MB: variants seen among roughly 807,000 people sequenced by gnomAD.
MB encodes the protein nitrite reductase MB.
A neutral mutation model predicts 14.5 loss-of-function variants in MB; 10 were observed. The ratio of observed to expected loss-of-function variants is 0.69; its 90% CI spans 0.43 to 1.17. MB has a LOEUF of 1.17. MB is among the 50% of genes most tolerant of loss of function. The pLI is 0.00. For missense variants in MB, 169 were observed against 192.7 expected, an observed-to-expected ratio of 0.88 and a Z score of 0.73; for synonymous variants, 89 against 78.6, an observed-to-expected ratio of 1.13 and a Z score of -0.70.
chr22:35,615,043 C>A (rs985500399), intron 1 of MB, among the ~76,000 whole-genome samples: 1 of 152,230 alleles, frequency 6.6e-6, no homozygotes, highest in African/African-American at 2.4e-5. Context: ...TCCAAGTGAC[C>A]TTCCAGCTTC....
upstream of MB, among the ~76,000 whole-genome samples, chr22:35,618,589 C>T (rs1363476411): frequency 6.6e-6 from 1 of 152,076 alleles, no homozygotes; most frequent in African/African-American, 2.4e-5. Flanking sequence ...ATCCATCCAC[C>T]ACCCATCCAT....
chr22:35,618,658 C>T (rs896772720), upstream of MB, among the ~76,000 whole-genome samples: 1 of 151,824 alleles, frequency 6.6e-6, no homozygotes, highest in Non-Finnish European at 1.5e-5. Context: ...ATTCATCTAT[C>T]CATCATCTCT....
At chr22:35,609,091 A>G (rs535998221) in intron 2 of MB, among the ~76,000 whole-genome samples, 1 of 152,140 alleles carries the variant, frequency 6.6e-6, no homozygotes, top group Non-Finnish European at 1.5e-5. Context: ...GGTTTTTTCT[A>G]TCCAACACTC....
chr22:35,618,767 T>G (rs1248906908), upstream of MB, among the ~76,000 whole-genome samples: 2 of 151,806 alleles, frequency 1.3e-5, no homozygotes, highest in Admixed American at 6.6e-5. Flanking sequence ...CATGTGTTCA[T>G]CCATCCATCC....
chr22:35,619,034 C>T (rs1035099179), upstream of MB, among the ~76,000 whole-genome samples: 1 of 151,910 alleles, frequency 6.6e-6, no homozygotes, highest in African/African-American at 2.4e-5. Context: ...CCACCCATCC[C>T]TCCATCTATC....
intron 1 of MB, among the ~76,000 whole-genome samples, chr22:35,615,933 C>T (rs772074039): frequency 2.0e-5 from 3 of 152,112 alleles, no homozygotes; most frequent in African/African-American, 2.4e-5. Flanking sequence ...GTTTCTAGCA[C>T]GGATCACCAA....
intron 2 of MB, among the ~76,000 whole-genome samples, chr22:35,609,777 T>C (rs781676282): frequency 1.5e-4 from 23 of 152,278 alleles, no homozygotes; most frequent in Admixed American, 3.3e-4. Flanking sequence ...AGAACACTAG[T>C]TGTATTTGGA....
chr22:35,613,882 C>T (rs1031680102), intron 1 of MB, among the ~76,000 whole-genome samples: 11 of 152,228 alleles, frequency 7.2e-5, no homozygotes, highest in East Asian at 3.9e-4. Context: ...CTGCCTGCCT[C>T]CTGTGGGCCC....
In MB at chr22:35,607,283, G is replaced by A. The variant is rs778694618; in HGVS notation, c.*14C>T. The A allele has an allele frequency of 1.1e-5, 18 of 1,606,300 alleles. No individual in the cohort carries two copies. Among genetic ancestry groups the A allele is most frequent in the Non-Finnish European group, 1.7e-6 (2 of 1,174,412 alleles). Reference sequence around the variant, plus strand: ...CCCGGGGCCCAGATGGGTGGGGGTGGGAGCGGCAGGGGCCTAGCCCTGGAA... The same window carrying A: ...CCCGGGGCCCAGATGGGTGGGGGTGAGAGCGGCAGGGGCCTAGCCCTGGAA... On this transcript the variant is annotated 3_prime_UTR_variant, in exon 3 of 3. Coordinates refer to ENST00000397326, the MANE Select transcript of MB (RefSeq NM_005368.3).
chr22:35,620,545 C>A (rs944279999), upstream of MB, among the ~76,000 whole-genome samples: 8 of 152,176 alleles, frequency 5.3e-5, no homozygotes, highest in African/African-American at 1.9e-4. Context: ...GCTGGTCACT[C>A]GCTGGAGGTG....
chr22:35,611,120 G>T lies in MB; in HGVS notation c.96-14C>A, dbSNP rs765838762. On this transcript the variant is annotated splice_polypyrimidine_tract_variant and intron_variant, in intron 1 of 2. Coordinates refer to ENST00000397326, the MANE Select transcript of MB (RefSeq NM_005368.3). ...CCCTTAAAGAGCCTGTGGGCACAGG[G>T]AAGGCTGGAGTCGGCATGGGAGGTG... 1.1e-5 allele frequency: 17 copies of T among 1,603,926 alleles called. No homozygotes were observed. The East Asian group carries it at 3.6e-4, about 34-fold the overall frequency.
At chr22:35,623,250 C>T (rs1031983826) in exon 1 of MB, 1 of 152,332 alleles carries the variant, frequency 6.6e-6, no homozygotes, top group Non-Finnish European at 1.5e-5. Context: ...AGTCTGGCTT[C>T]AGAGTCTCTG....
intron 1 of MB, chr22:35,616,938 T>C (rs1923118928): frequency 1.8e-6 from 1 of 541,808 alleles, no homozygotes; most frequent in Admixed American, 3.3e-5. Context: ...TAGGTTTGAT[T>C]CTCATGCTTC....
chr22:35,612,069 AAC>A (rs1922675198), intron 1 of MB, among the ~76,000 whole-genome samples: 1 of 152,084 alleles, frequency 6.6e-6, no homozygotes, highest in Admixed American at 6.6e-5. Flanking sequence ...CCCAAAATGG[AAC>A]AGTTTCATAA....
intron 1 of MB, 26 bp from the exon 2 acceptor site, chr22:35,611,132 C>A: frequency 6.4e-7 from 1 of 1,572,580 alleles, no homozygotes; most frequent in South Asian, 1.1e-5. Context: ...AGGCTGGAGT[C>A]GGCATGGGAG....
At chr22:35,622,645 G>GGAGGAGGGCTGGCA (rs1302906043) in intron 1 of MB, 22 of 152,492 alleles carry the variant, frequency 1.4e-4, no homozygotes, top group African/African-American at 4.8e-4. Flanking sequence ...GGGGCTTATT[G>GGAGGAGGGCTGGCA]GAGGAGGGCT....
chr22:35,619,866 C>T (rs1183926592), upstream of MB, among the ~76,000 whole-genome samples: 1 of 152,180 alleles, frequency 6.6e-6, no homozygotes, highest in Non-Finnish European at 1.5e-5. Context: ...TCAGTGAGTC[C>T]TGTGTACTGA....
At chr22:35,618,085 G>A (rs996608431), upstream of MB, among the ~76,000 whole-genome samples, 3 of 152,130 alleles carry the variant, frequency 2.0e-5, no homozygotes, top group African/African-American at 7.2e-5. Context: ...ACTTTGCTGG[G>A]TGCCAGGCCC....
At chr22:35,614,316 G>A (rs1178659315) in intron 1 of MB, among the ~76,000 whole-genome samples, 3 of 152,112 alleles carry the variant, frequency 2.0e-5, no homozygotes, top group African/African-American at 4.8e-5. Flanking sequence ...ATTCTGGGCC[G>A]GGCTCATTGG....
Sources: allele counts gnomAD v4.1 joint callset (sites outside exome capture counted in the v4.1 genomes callset), GRCh38; gene constraint gnomAD v4.1.1; transcripts MANE v1.5; gene names NCBI Gene and HGNC (gene_info 2026-07-23, HGNC 2026-07-21).